The following ARFIP1 variants were observed in gnomAD, a reference collection of about 807,000 sequenced individuals.
ARFIP1 encodes the protein arfaptin-1.
A neutral mutation model predicts 42.5 loss-of-function variants in ARFIP1; 24 were observed. The observed-to-expected ratio is 0.57, with a 90% CI of 0.41 to 0.80. The LOEUF is 0.80. Among genes scored for constraint, ARFIP1 ranks in the 30% least tolerant of loss-of-function variants. The probability of loss-of-function intolerance (pLI) is 0.00; values close to 1 mark genes in which losing one functional copy is unlikely to be tolerated. For missense variants in ARFIP1, 354 were observed against 434.0 expected, an observed-to-expected ratio of 0.82 and a Z score of 1.64; for synonymous variants, 141 against 153.7, an observed-to-expected ratio of 0.92 and a Z score of 0.61.
chr4:152,881,206 A>G (rs767677232), intron 6 of ARFIP1, 22 bp downstream of exon 6: 3 of 1,524,056 alleles, frequency 2.0e-6, no homozygotes, highest in Non-Finnish European at 2.7e-6. Flanking sequence ...CTAAATAACT[A>G]TTAGGGATGG....
intron 2 of ARFIP1, among the ~76,000 whole-genome samples, chr4:152,854,206 C>T (rs532878150): frequency 6.6e-6 from 1 of 152,194 alleles, no homozygotes; most frequent in Non-Finnish European, 1.5e-5. Flanking sequence ...AGCCACCGCA[C>T]TCAGCCAAGT....
At chr4:152,861,912 A>G (rs550684757) in intron 2 of ARFIP1, among the ~76,000 whole-genome samples, 3 of 152,232 alleles carry the variant, frequency 2.0e-5, no homozygotes, top group Admixed American at 6.5e-5. Context: ...TCTCCATCCT[A>G]AACTTTAGCT....
chr4:152,882,692 T>C, intron 6 of ARFIP1, 31 bp from the exon 7 acceptor site: 1 of 1,597,284 alleles, frequency 6.3e-7, no homozygotes, highest in Non-Finnish European at 8.6e-7. Context: ...GATTTATTAC[T>C]GAATAAATTA....
chr4:152,841,955 C>T (rs373167116), intron 2 of ARFIP1, among the ~76,000 whole-genome samples: 1 of 152,112 alleles, frequency 6.6e-6, no homozygotes, highest in African/African-American at 2.4e-5. Flanking sequence ...TTAGAGCGGT[C>T]GTCAGCCAAC....
chr4:152,817,425 T>A (rs1729989310), intron 1 of ARFIP1, among the ~76,000 whole-genome samples: 1 of 152,174 alleles, frequency 6.6e-6, no homozygotes, highest in Non-Finnish European at 1.5e-5. Flanking sequence ...AAGAATGATG[T>A]TGGACTCTTA....
At chr4:152,880,859 A>T in intron 5 of ARFIP1, 104 bp from the exon 6 acceptor site, 1 of 850,448 alleles carries the variant, frequency 1.2e-6, no homozygotes, top group Non-Finnish European at 1.9e-6. Context: ...TCAGTTTGTT[A>T]CGCTAGCTTG....
intron 3 of ARFIP1, among the ~76,000 whole-genome samples, chr4:152,867,768 T>C (rs1307965158): frequency 6.6e-6 from 1 of 152,130 alleles, no homozygotes; most frequent in Non-Finnish European, 1.5e-5. Context: ...AATAAGAAAA[T>C]ATATTTCGTG....
chr4:152,808,638 T>C (rs1729202246), intron 1 of ARFIP1, among the ~76,000 whole-genome samples: 1 of 152,144 alleles, frequency 6.6e-6, no homozygotes, highest in Non-Finnish European at 1.5e-5. Flanking sequence ...ACATACTGGC[T>C]ACTACTTGGT....
intron 8 of ARFIP1, among the ~76,000 whole-genome samples, chr4:152,889,920 G>A (rs1362858628): frequency 2.2e-5 from 3 of 133,634 alleles, no homozygotes; most frequent in African/African-American, 8.5e-5. Context: ...AATATATAGT[G>A]TATGTATACT....
chr4:152,877,926 C>CT lies in ARFIP1; in HGVS notation c.412-3036dup, dbSNP rs567418994. Among the ~76,000 whole-genome samples the CT allele has an allele frequency of 3.2e-3, 489 of 152,304 alleles. 6 individuals are homozygous for CT. The highest frequency in any genetic ancestry group is 0.012 in the African/African-American group (479 of 41,564). ...TGAGGCCTCCCAGCCATGTGGAACT[C>CT]TAAGTCCAATTAAACATATTTTTAT... On this transcript the variant is annotated intron_variant, in intron 5 of 8. Transcript: ENST00000353617.
At chr4:152,833,999 C>G (rs1021150199) in intron 2 of ARFIP1, among the ~76,000 whole-genome samples, 12 of 152,166 alleles carry the variant, frequency 7.9e-5, no homozygotes, top group Admixed American at 1.3e-4. Flanking sequence ...TGCTCAGCTT[C>G]TGGTGGGGCC....
At chr4:152,890,100 A>C (rs1736720896) in intron 8 of ARFIP1, among the ~76,000 whole-genome samples, 1 of 151,762 alleles carries the variant, frequency 6.6e-6, no homozygotes, top group African/African-American at 2.4e-5. Context: ...TAATACTAAA[A>C]GAGGTATGCT....
At chr4:152,872,131 G>A (rs1313321759) in intron 4 of ARFIP1, among the ~76,000 whole-genome samples, 3 of 151,904 alleles carry the variant, frequency 2.0e-5, no homozygotes, top group Admixed American at 2.0e-4. Flanking sequence ...AATTAGTTGT[G>A]GAAATTTTAT....
intron 2 of ARFIP1, among the ~76,000 whole-genome samples, chr4:152,854,422 A>G (rs1156432124): frequency 1.3e-5 from 2 of 151,884 alleles, no homozygotes; most frequent in Non-Finnish European, 2.9e-5. Context: ...TTGTATCTTC[A>G]TCTTGAGAAT....
In ARFIP1 at chr4:152,905,670, A is replaced by G. The variant is rs1445340088; in HGVS notation, c.967-4394A>G. On this transcript the variant is annotated intron_variant, in intron 8 of 8. Coordinates refer to ENST00000353617, the MANE Select transcript of ARFIP1 (RefSeq NM_001025595.3). ...CGGGTTCAAGCGATTCTCCTGCCTC[A>G]GCCTCCCAAGTAGCTGGGATTACAG... Among the ~76,000 whole-genome samples the G allele has an allele frequency of 6.9e-5, 10 of 145,206 alleles. No individual in the cohort carries two copies. The South Asian group carries it at 1.1e-3, about 16-fold the overall frequency.
At chr4:152,825,171 CAGCA>C (rs1730729210) in intron 1 of ARFIP1, among the ~76,000 whole-genome samples, 1 of 151,896 alleles carries the variant, frequency 6.6e-6, no homozygotes, top group African/African-American at 2.4e-5. Flanking sequence ...ATCAAAATAT[CAGCA>C]TAATTTTTCA....
chr4:152,859,054 T>C (rs1214469870), intron 2 of ARFIP1, among the ~76,000 whole-genome samples: 1 of 152,140 alleles, frequency 6.6e-6, no homozygotes, highest in Non-Finnish European at 1.5e-5. Context: ...TATCTCTCTT[T>C]TTTGTTTTTT....
intron 5 of ARFIP1, among the ~76,000 whole-genome samples, chr4:152,875,338 A>G (rs1735229939): frequency 6.8e-6 from 1 of 147,858 alleles, no homozygotes; most frequent in Admixed American, 6.8e-5. Context: ...ATTTTTTCCT[A>G]GTCTAAAGTA....
chr4:152,826,026 A>G (rs1250301405), intron 1 of ARFIP1, among the ~76,000 whole-genome samples: 1 of 151,748 alleles, frequency 6.6e-6, no homozygotes, highest in Non-Finnish European at 1.5e-5. Context: ...GAATGTGGTG[A>G]AAAAGGAATG....
Sources: gnomAD v4.1 joint callset for allele counts (sites outside exome capture counted in the v4.1 genomes callset) on GRCh38, gnomAD v4.1.1 for gene constraint, MANE v1.5 for transcripts, NCBI Gene and HGNC (gene_info 2026-07-23, HGNC 2026-07-21) for gene names.